MAST4: variants seen among roughly 807,000 people sequenced by gnomAD.
The protein encoded by MAST4 is microtubule associated serine/threonine kinase family member 4.
MAST4 carries 89 observed loss-of-function variants against 162.7 expected under a neutral mutation model. The ratio of observed to expected loss-of-function variants is 0.55; its 90% confidence interval spans 0.46 to 0.65. The LOEUF is 0.65. Ranked by LOEUF, MAST4 falls within the 30% of genes least tolerant of loss-of-function variation. The pLI is 0.00. For missense variants in MAST4, 3,153 were observed against 3,374.0 expected, an observed-to-expected ratio of 0.93 and a Z score of 1.62; for synonymous variants, 1,479 against 1,361.1, an observed-to-expected ratio of 1.09 and a Z score of -1.91.
intron 19 of MAST4, 88 bp from the exon 20 acceptor site, chr5:67,142,027 C>T: frequency 7.3e-7 from 1 of 1,370,108 alleles, no homozygotes; most frequent in Non-Finnish European, 1.0e-6. Flanking sequence ...GATATGTTCT[C>T]AAAATTGTTG....
intron 5 of MAST4, among the ~76,000 whole-genome samples, chr5:67,056,315 T>C (rs1226755278): frequency 6.6e-6 from 1 of 152,030 alleles, no homozygotes; most frequent in East Asian, 1.9e-4. Context: ...CTACAGAGGG[T>C]CAAACAGTGC....
rs780433285 is a variant in MAST4, at chr5:67,131,889, G to A, written c.2031G>A (p.Thr677=). Residue 677 remains threonine, a synonymous_variant, in exon 16 of 29, where the codon ACG becomes ACA. Transcript: ENST00000403625. The part of the protein sequence containing the change: ...VDMARMYFAE[T]VLALEYLHNY... Reference sequence around the variant, plus strand: ...TGGCCAGAATGTACTTTGCTGAGACGGTCTTGGCCTTGGAATATTTACATA... The same window carrying A: ...TGGCCAGAATGTACTTTGCTGAGACAGTCTTGGCCTTGGAATATTTACATA... 5.6e-6 allele frequency: 9 copies of A among 1,613,040 alleles called. No homozygotes were observed. The highest frequency in any genetic ancestry group is 1.1e-5 in the South Asian group (1 of 91,050).
rs569673182 is a variant in MAST4, at chr5:66,844,189, G to A, written c.642+55395G>A. Among the ~76,000 whole-genome samples the A allele has an allele frequency of 3.0e-5, 4 of 131,608 alleles. No individual in the cohort carries two copies. In the Admixed American group the frequency reaches 3.1e-4, roughly 10 times the overall value. 86.3% of individuals were successfully genotyped at this position (131,608 alleles called of 152,430 possible). A position where few individuals can be genotyped will look rare whatever the true frequency, so the allele number is the denominator to read the frequency against. The stretch of plus-strand genomic sequence containing the variant: ...TGTGTGTGTGTGTGTGTGTGTGTGT[G>A]TGTGTGTGTTGGGGCGGGGGGATTA... On this transcript the variant is annotated intron_variant, in intron 3 of 28. Transcript: ENST00000403625.
At chr5:66,712,594 C>A (rs1750564019) in intron 1 of MAST4, among the ~76,000 whole-genome samples, 1 of 152,148 alleles carries the variant, frequency 6.6e-6, no homozygotes, top group Non-Finnish European at 1.5e-5. Context: ...TATTTGTTTG[C>A]TTTATGTCTG....
chr5:66,986,616 ATATT>A lies in MAST4; in HGVS notation c.675-67770_675-67767del, dbSNP rs1554077142. The A allele has an allele frequency of 2.5e-3, 507 of 199,572 alleles. 2 individuals are homozygous for A. The highest frequency in any genetic ancestry group is 7.4e-3 in the African/African-American group (299 of 40,580). The allele number at this position is 199,572 out of a possible 1,614,324, so 12.4% of individuals were successfully genotyped here. ...TGTATGAATTTATATATATATATATATATTTATTTATTTATTTATTTTGAGACAG... is the reference window on the plus strand; with the variant it reads ...TGTATGAATTTATATATATATATATATATTTATTTATTTATTTTGAGACAG... On this transcript the variant is annotated intron_variant, in intron 4 of 28. Transcript: ENST00000403625.
intron 3 of MAST4, among the ~76,000 whole-genome samples, chr5:66,806,220 A>G (rs1331430802): frequency 1.3e-5 from 2 of 152,226 alleles, no homozygotes; most frequent in Non-Finnish European, 2.9e-5. Flanking sequence ...CCCCTCATCC[A>G]TCAAGCCTGA....
intron 1 of MAST4, among the ~76,000 whole-genome samples, chr5:66,648,585 A>G (rs10067014): frequency 5.3e-5 from 8 of 152,214 alleles, no homozygotes; most frequent in Admixed American, 3.9e-4. Flanking sequence ...CAAGACTCCA[A>G]AGAAAATGGC....
At chr5:66,980,993 T>G (rs1015197890) in intron 4 of MAST4, among the ~76,000 whole-genome samples, 1 of 152,034 alleles carries the variant, frequency 6.6e-6, no homozygotes, top group African/African-American at 2.4e-5. Flanking sequence ...TTTTTTCTCA[T>G]GAAAGAATAA....
intron 1 of MAST4, among the ~76,000 whole-genome samples, chr5:66,707,624 T>C (rs1476850269): frequency 1.3e-5 from 2 of 152,162 alleles, no homozygotes; most frequent in African/African-American, 2.4e-5. Context: ...CCTCTTCTTA[T>C]AAGAACACCT....
At chr5:66,783,147 T>G (rs923275290) in intron 2 of MAST4, among the ~76,000 whole-genome samples, 2 of 152,224 alleles carry the variant, frequency 1.3e-5, no homozygotes. Flanking sequence ...ATCTAAAATC[T>G]AACCCATCAT....
intron 1 of MAST4, among the ~76,000 whole-genome samples, chr5:66,723,938 T>C (rs750201162): frequency 2.2e-4 from 33 of 152,174 alleles, no homozygotes; most frequent in Non-Finnish European, 3.5e-4. Flanking sequence ...AAGCAGTTGC[T>C]GGACTACCTC....
intron 11 of MAST4, among the ~76,000 whole-genome samples, chr5:67,111,856 A>G (rs1766283825): frequency 6.6e-6 from 1 of 152,192 alleles, no homozygotes; most frequent in Non-Finnish European, 1.5e-5. Flanking sequence ...TAGCTTGGAA[A>G]TATTGCTGCT....
At chr5:66,671,542 T>A (rs2149473601) in intron 1 of MAST4, among the ~76,000 whole-genome samples, 1 of 152,280 alleles carries the variant, frequency 6.6e-6, no homozygotes, top group East Asian at 1.9e-4. Context: ...CATTGGAGGA[T>A]GACCAGGAAG....
At chr5:66,713,889 A>G (rs538226715) in intron 1 of MAST4, among the ~76,000 whole-genome samples, 2 of 152,312 alleles carry the variant, frequency 1.3e-5, no homozygotes, top group South Asian at 4.1e-4. Context: ...GTTCTGTCTC[A>G]GTGATGACAA....
At position 66,624,493 on chromosome 5, in the gene MAST4, T is replaced by G. The variant is rs531753117; in HGVS notation, c.363+27475T>G. 2.6e-5 allele frequency among the ~76,000 whole-genome samples: 4 copies of G among 152,002 alleles called. No individual in the cohort carries two copies. The East Asian group carries it at 7.7e-4, about 29-fold the overall frequency. On this transcript the variant is annotated intron_variant, in intron 1 of 28. Coordinates refer to ENST00000403625, the MANE Select transcript of MAST4 (RefSeq NM_001164664.2). The stretch of plus-strand genomic sequence containing the variant: ...ACTATGCCAAACAACAGATTCAAAG[T>G]AATTCCTATCAAACTCTCAATGGTA...
In MAST4 at chr5:67,149,582, C is replaced by G. The variant is rs376192427; in HGVS notation, c.3288C>G (p.Ile1096Met). The G allele has an allele frequency of 1.2e-6, 2 of 1,613,388 alleles. No individual in the cohort carries two copies. Among genetic ancestry groups the G allele is most frequent in the Non-Finnish European group, 8.5e-7 (1 of 1,179,582 alleles). Residue 1096 changes from isoleucine to methionine, a missense_variant, in exon 24 of 29, where the codon ATC becomes ATG. Physicochemically the swap from Ile to Met is conservative, Grantham distance 10 (BLOSUM62 1). Around this residue, in one of 7 missense-constraint regions of MAST4, gnomAD observed 619 missense variants for 744.2 expected, o/e 0.83. Coordinates refer to ENST00000403625, the MANE Select transcript of MAST4 (RefSeq NM_001164664.2). ...CTGCCAGTGCTCTTTCCCTCATGAT[C>G]CCAGGAGGTAGAGAGATACTACTTG... ...SLSASALSLMIPGDMFAVSPL... is the reference protein window; with the variant it reads ...SLSASALSLMMPGDMFAVSPL...
chr5:66,894,300 A>C (rs975033916), intron 3 of MAST4, among the ~76,000 whole-genome samples: 9 of 151,256 alleles, frequency 6.0e-5, no homozygotes, highest in African/African-American at 2.2e-4. Context: ...ATTTTTAAAA[A>C]CTCCCTGGGT....
At chr5:67,160,373 A>G in intron 26 of MAST4, 83 bp from the exon 27 acceptor site, 2 of 1,339,222 alleles carry the variant, frequency 1.5e-6, no homozygotes, top group Non-Finnish European at 2.0e-6. Flanking sequence ...TTCTATTTGT[A>G]TTTGTCTATG....
intron 1 of MAST4, among the ~76,000 whole-genome samples, chr5:66,621,985 G>A (rs1744106089): frequency 6.6e-6 from 1 of 152,162 alleles, no homozygotes; most frequent in Non-Finnish European, 1.5e-5. Flanking sequence ...GGATATAGCT[G>A]TGTTCCAACA....
Sources: allele counts gnomAD v4.1 joint callset (sites outside exome capture counted in the v4.1 genomes callset), GRCh38; gene constraint gnomAD v4.1.1; regional missense constraint gnomAD v4.1.1; transcripts MANE v1.5; gene names NCBI Gene and HGNC (gene_info 2026-07-23, HGNC 2026-07-21).